Variants in CD99 observed in about 807,000 individuals in gnomAD.
The protein encoded by CD99 is CD99 antigen.
A neutral mutation model predicts 28.4 loss-of-function variants in CD99; 19 were observed. That is an observed-to-expected ratio of 0.67 (90% CI 0.47 to 0.98). The LOEUF is 0.98. CD99 is among the 50% of genes least tolerant of loss of function. CD99 has a pLI of 0.00. For synonymous variants in CD99, 103 were observed against 92.1 expected, an observed-to-expected ratio of 1.12 and a Z score of -0.67; for missense variants, 283 against 248.8, an observed-to-expected ratio of 1.14 and a Z score of -0.92.
intron 8 of CD99, among the ~76,000 whole-genome samples, chrX:2,735,293 G>C (rs928791819): frequency 9.8e-5 from 15 of 152,300 alleles, no homozygotes; most frequent in African/African-American, 3.6e-4. Context: ...GGTTCTAATA[G>C]CTACAGATGA....
chrX:2,725,907 C>G (rs1261082994), intron 7 of CD99, among the ~76,000 whole-genome samples: 4 of 152,300 alleles, frequency 2.6e-5, no homozygotes, highest in Non-Finnish European at 4.4e-5. Context: ...GCCACCACGC[C>G]CAGCCCCAGC....
chrX:2,729,508 C>T (rs188543098), intron 8 of CD99, among the ~76,000 whole-genome samples: 46 of 152,224 alleles, frequency 3.0e-4, no homozygotes, highest in Admixed American at 7.2e-4. Context: ...GGGGAACCTT[C>T]GCTATGGTTC....
chrX:2,723,447 T>C, intron 7 of CD99, 83 bp downstream of exon 7: 1 of 1,492,726 alleles, frequency 6.7e-7, no homozygotes, highest in Non-Finnish European at 9.4e-7. Context: ...GCTGGCGGAC[T>C]GCACTGGCAT....
chrX:2,692,244 A>C (rs1603253509), intron 1 of CD99: 9 of 132,696 alleles, frequency 6.8e-5, no homozygotes, highest in Non-Finnish European at 1.2e-4. Flanking sequence ...TTCTTTTTTC[A>C]TGTTATAAAT....
chrX:2,716,354 T>C (rs2048717690), intron 2 of CD99, among the ~76,000 whole-genome samples: 2 of 151,900 alleles, frequency 1.3e-5, no homozygotes, highest in South Asian at 4.2e-4. Context: ...TTTTTTTTTC[T>C]GAGACACTGT....
chrX:2,738,235 A>C lies in CD99; in HGVS notation c.511A>C (p.Asn171His), dbSNP rs148700361. The C allele has an allele frequency of 1.3e-4, 210 of 1,613,914 alleles. 1 individual carries two copies. In the African/African-American group the frequency reaches 2.6e-3, roughly 20 times the overall value. Reference sequence around the variant, plus strand: ...GGAGGTGGACATGGAGAGCCACCGGAATGCCAACGCAGAGCCAGCTGGTAA... The same window carrying C: ...GGAGGTGGACATGGAGAGCCACCGGCATGCCAACGCAGAGCCAGCTGGTAA... ...QGEVDMESHR[N>H]ANAEPAVQRT... is the part of the protein sequence containing the mutation. The change falls in exon 9 of 10, where the codon AAT becomes CAT. Residue 171 changes from asparagine to histidine, a missense_variant. Transcript: ENST00000381192.
chrX:2,733,469 C>T, intron 8 of CD99: 7 of 1,324,516 alleles, frequency 5.3e-6, no homozygotes, highest in Admixed American at 2.0e-5. Flanking sequence ...TTCCATCTGC[C>T]GCTCCCCTCG....
intron 4 of CD99, 96 bp downstream of exon 4, chrX:2,719,801 G>C: frequency 7.4e-7 from 1 of 1,344,918 alleles, no homozygotes. Context: ...AAATTATAAA[G>C]GGAACCAGTT....
chrX:2,694,347 T>G (rs2047473881), intron 1 of CD99, among the ~76,000 whole-genome samples: 1 of 151,864 alleles, frequency 6.6e-6, no homozygotes. Flanking sequence ...GTGGAAGTTA[T>G]TAGGAGAATG....
intron 1 of CD99, among the ~76,000 whole-genome samples, chrX:2,705,637 C>T (rs1196747178): frequency 6.6e-6 from 1 of 152,010 alleles, no homozygotes; most frequent in Non-Finnish European, 1.5e-5. Flanking sequence ...TAGTCGTTTT[C>T]AAATATTCAA....
At chrX:2,720,321 C>T (rs377468575) in intron 4 of CD99, 35 bp from the exon 5 acceptor site, 51 of 1,595,132 alleles carry the variant, frequency 3.2e-5, no homozygotes, top group Non-Finnish European at 4.3e-5. Context: ...TACTGCAAGG[C>T]ACTTAAAATT....
At chrX:2,738,334 C>T (rs2050048786) in intron 9 of CD99, 78 bp downstream of exon 9, 1 of 1,363,454 alleles carries the variant, frequency 7.3e-7, no homozygotes, top group Non-Finnish European at 1.0e-6. Context: ...TCCCATCTTG[C>T]TGTCCTGCTC....
At chrX:2,727,801 C>A (rs1048565200) in intron 8 of CD99, among the ~76,000 whole-genome samples, 7 of 152,128 alleles carry the variant, frequency 4.6e-5, no homozygotes, top group African/African-American at 1.7e-4. Context: ...TATGGAGGAG[C>A]CCCTGGGGTC....
At chrX:2,737,563 C>T (rs1174714066) in intron 8 of CD99, among the ~76,000 whole-genome samples, 7 of 151,190 alleles carry the variant, frequency 4.6e-5, no homozygotes, top group Admixed American at 3.3e-4. Flanking sequence ...AGTGTGATCT[C>T]GGCTCACTGC....
In CD99 at chrX:2,740,787, A is replaced by G; in HGVS notation, c.541A>G (p.Thr181Ala). The G allele has an allele frequency of 6.2e-7, 1 of 1,613,596 alleles. No individual in the cohort carries two copies. Among genetic ancestry groups the G allele is most frequent in the South Asian group, 1.1e-5 (1 of 91,054 alleles). ...NANAEPAVQR[T>A]LLEK Reference sequence around the variant, plus strand: ...GTCTCTGTCTCCCACAGTTCAGCGTACTCTTTTAGAGAAATAGAAGATTGT... The same window carrying G: ...GTCTCTGTCTCCCACAGTTCAGCGTGCTCTTTTAGAGAAATAGAAGATTGT... Residue 181 changes from threonine (T) to alanine (A), a missense_variant, in exon 10 of 10, where the codon ACT (threonine) becomes GCT (alanine). Thr to Ala is a moderately conservative substitution (Grantham distance 58, BLOSUM62 0). Coordinates refer to ENST00000381192, the MANE Select transcript of CD99 (RefSeq NM_002414.5).
At chrX:2,723,471 C>G (rs1288203418) in intron 7 of CD99, 107 bp downstream of exon 7, 11 of 1,301,374 alleles carry the variant, frequency 8.5e-6, no homozygotes, top group Non-Finnish European at 1.2e-5. Context: ...CCTCCTAAAG[C>G]TACTGGCAGG....
intron 7 of CD99, among the ~76,000 whole-genome samples, chrX:2,725,769 ACT>A (rs2049247782): frequency 6.6e-6 from 1 of 151,634 alleles, no homozygotes; most frequent in Non-Finnish European, 1.5e-5. Context: ...ACCCACCCTT[ACT>A]CCCGGCTAAT....
intron 9 of CD99, among the ~76,000 whole-genome samples, chrX:2,738,794 A>G (rs1323053540): frequency 6.6e-6 from 1 of 151,748 alleles, no homozygotes; most frequent in Non-Finnish European, 1.5e-5. Context: ...GCTGGTGTGC[A>G]CTGGGAATTA....
At chrX:2,691,942 T>A (rs2236738) in intron 1 of CD99, 1 of 777,888 alleles carries the variant, frequency 1.3e-6, no homozygotes, top group Admixed American at 1.7e-5. Flanking sequence ...AAAAAAACTT[T>A]GAGCCCTGAA....
Sources: allele counts gnomAD v4.1 joint callset (sites outside exome capture counted in the v4.1 genomes callset), GRCh38; gene constraint gnomAD v4.1.1; transcripts MANE v1.5; gene names NCBI Gene and HGNC (gene_info 2026-07-23, HGNC 2026-07-21).